The following RAPGEF6 variants were observed in gnomAD, a reference collection of about 807,000 sequenced individuals.
RAPGEF6 encodes Rap guanine nucleotide exchange factor 6.
RAPGEF6 carries 56 observed loss-of-function variants against 171.4 expected under a neutral mutation model. That is an observed-to-expected ratio of 0.33 (90% confidence interval 0.26 to 0.41). RAPGEF6 has a LOEUF of 0.41. Ranked by LOEUF, RAPGEF6 falls within the 10% of genes least tolerant of loss-of-function variation. RAPGEF6 has a pLI of 1.00. For missense variants in RAPGEF6, 1,674 were observed against 1,921.4 expected, an observed-to-expected ratio of 0.87 and a Z score of 2.41; for synonymous variants, 692 against 650.1, an observed-to-expected ratio of 1.06 and a Z score of -0.98.
chr5:131,532,151 C>T (rs1254727289), intron 6 of RAPGEF6: 2 of 452,982 alleles, frequency 4.4e-6, no homozygotes, highest in Non-Finnish European at 4.4e-6. Context: ...ACAAGAAAAG[C>T]CATTTCCTAG....
At chr5:131,609,555 A>G (rs565063998) in intron 1 of RAPGEF6, among the ~76,000 whole-genome samples, 1 of 152,318 alleles carries the variant, frequency 6.6e-6, no homozygotes, top group East Asian at 1.9e-4. Context: ...GACTGACCAC[A>G]ATGACACTAG....
intron 4 of RAPGEF6, among the ~76,000 whole-genome samples, chr5:131,585,293 CATA>C (rs1763186030): frequency 7.3e-6 from 1 of 137,590 alleles, no homozygotes; most frequent in African/African-American, 3.0e-5. Flanking sequence ...AAAAACTATA[CATA>C]CATACATACA....
Position 131,548,191 on chromosome 5 carries a change from C to T in RAPGEF6, c.352-1G>A. The T allele has an allele frequency of 6.2e-7, 1 of 1,613,426 alleles. No individual in the cohort carries two copies. Among genetic ancestry groups the T allele is most frequent in the Non-Finnish European group, 8.5e-7 (1 of 1,179,618 alleles). On this transcript the variant is annotated splice_acceptor_variant, in intron 5 of 27. Coordinates refer to ENST00000509018, the MANE Select transcript of RAPGEF6 (RefSeq NM_016340.6). LOFTEE classifies it high-confidence loss of function. ...CTTCATTATCTTTGGCATTCTCTAC[C>T]TGAAACACATGTTCATATTCCTGAT... is the stretch of plus-strand genomic sequence containing the variant.
chr5:131,604,548 G>T, intron 2 of RAPGEF6, 75 bp downstream of exon 2: 1 of 1,504,422 alleles, frequency 6.6e-7, no homozygotes, highest in Non-Finnish European at 9.1e-7. Flanking sequence ...ATATAAAGGT[G>T]CTTAACAAAT....
intron 26 of RAPGEF6, among the ~76,000 whole-genome samples, chr5:131,430,318 T>TA (rs900971440): frequency 1.8e-4 from 27 of 147,886 alleles, no homozygotes; most frequent in African/African-American, 5.4e-4. Context: ...GGCCAAATAC[T>TA]AAAAAAAAAA....
At chr5:131,486,554 T>C (rs917905116) in intron 15 of RAPGEF6, among the ~76,000 whole-genome samples, 8 of 152,180 alleles carry the variant, frequency 5.3e-5, no homozygotes, top group Non-Finnish European at 8.8e-5. Context: ...CTTTTAGATA[T>C]CCTGGAATAG....
chr5:131,452,695 T>C (rs1753182601), intron 21 of RAPGEF6, among the ~76,000 whole-genome samples: 1 of 151,618 alleles, frequency 6.6e-6, no homozygotes, highest in Non-Finnish European at 1.5e-5. Context: ...CTCGATCTCC[T>C]GACCTTGTGA....
intron 6 of RAPGEF6, among the ~76,000 whole-genome samples, chr5:131,535,972 T>G (rs931609498): frequency 1.3e-5 from 2 of 152,112 alleles, no homozygotes; most frequent in African/African-American, 4.8e-5. Flanking sequence ...AAAACTGGAT[T>G]TATACTAACC....
rs1265531370 is a variant in RAPGEF6 at position 131,464,144 on chromosome 5, A to G, written c.2377T>C (p.Tyr793His). ...GTAACAGAAACTTCACAGAGAGAATATGTGTCGGATGCACCGGTCAAACCA... is the reference window on the plus strand; with the variant it reads ...GTAACAGAAACTTCACAGAGAGAATGTGTGTCGGATGCACCGGTCAAACCA... ...EFGLTGASDT[Y>H]SLCEVSVTPE... Residue 793 changes from tyrosine to histidine, a missense_variant, in exon 18 of 28, where the codon TAT (tyrosine) becomes CAT (histidine). Tyr to His is a moderately conservative substitution (Grantham distance 83). Around this residue, in one of 3 missense-constraint regions of RAPGEF6, gnomAD observed 1,116 missense variants for 1,321.5 expected, o/e 0.84. Coordinates refer to ENST00000509018, the MANE Select transcript of RAPGEF6 (RefSeq NM_016340.6). The G allele has an allele frequency of 6.2e-7, 1 of 1,614,024 alleles. No homozygotes were observed. The highest frequency in any genetic ancestry group is 1.7e-5 in the Admixed American group (1 of 60,022).
chr5:131,524,676 C>T (rs1041821095), intron 6 of RAPGEF6, among the ~76,000 whole-genome samples: 3 of 151,654 alleles, frequency 2.0e-5, no homozygotes, highest in Admixed American at 6.6e-5. Flanking sequence ...AGTGCAGCGG[C>T]GCAATCTCGG....
chr5:131,581,420 G>A (rs1034864500), intron 4 of RAPGEF6, among the ~76,000 whole-genome samples: 8 of 151,986 alleles, frequency 5.3e-5, no homozygotes, highest in African/African-American at 1.9e-4. Flanking sequence ...CTCAGGCCTT[G>A]GGTCTTCCGA....
intron 19 of RAPGEF6, among the ~76,000 whole-genome samples, chr5:131,456,222 A>T (rs541753569): frequency 2.0e-5 from 3 of 152,330 alleles, no homozygotes; most frequent in Admixed American, 2.0e-4. Flanking sequence ...ATGCTTGCCT[A>T]TAGTTCTATA....
At chr5:131,521,617 G>T in intron 6 of RAPGEF6, 96 bp from the exon 7 acceptor site, 4 of 1,127,346 alleles carry the variant, frequency 3.5e-6, no homozygotes, top group South Asian at 3.8e-5. Context: ...ACATTACTGT[G>T]CAATCTCTTT....
In RAPGEF6 at chr5:131,431,090, A is replaced by C; in HGVS notation, c.4234T>G (p.Ser1412Ala). 6.2e-7 allele frequency: 1 copy of C among 1,614,204 alleles called. No individual in the cohort carries two copies. The highest frequency in any genetic ancestry group is 8.5e-7 in the Non-Finnish European group (1 of 1,180,032). Residue 1412 changes from serine (S) to alanine (A), a missense_variant, in exon 26 of 28, where the codon TCC (serine) becomes GCC (alanine). This residue lies in a region of RAPGEF6 where 552 missense variants were observed against 574.2 expected (regional missense o/e 0.96). Transcript: ENST00000509018. The stretch of plus-strand genomic sequence containing the variant: ...GTTCTAGAGCAGCTTTTAGAACAGG[A>C]ATAGGGCTCAGAGTCAGTGGGTTCA... ...EVEPTDSEPY[S>A]CSKSCSRTCG...
chr5:131,565,855 G>A (rs1002890348), intron 4 of RAPGEF6, among the ~76,000 whole-genome samples: 1 of 152,092 alleles, frequency 6.6e-6, no homozygotes, highest in Non-Finnish European at 1.5e-5. Context: ...TTAATTATAA[G>A]TGGATCAGAA....
At chr5:131,575,351 C>T (rs890522934) in intron 4 of RAPGEF6, among the ~76,000 whole-genome samples, 4 of 152,150 alleles carry the variant, frequency 2.6e-5, no homozygotes, top group East Asian at 1.9e-4. Flanking sequence ...GCCCCTCTTA[C>T]GAATCTTCCC....
intron 11 of RAPGEF6, among the ~76,000 whole-genome samples, chr5:131,499,032 GAA>G (rs1273830630): frequency 6.6e-6 from 1 of 152,086 alleles, no homozygotes; most frequent in Non-Finnish European, 1.5e-5. Flanking sequence ...AGGGAAGAAA[GAA>G]AAAAGAAAGC....
rs182045582 is a variant in RAPGEF6 at position 131,479,669 on chromosome 5, C to T, written c.1925G>A (p.Arg642His). ...IPKIAEKKSN[R>H]HSIQHVPGDI... is the part of the protein sequence containing the mutation. The stretch of plus-strand genomic sequence containing the variant: ...TCCTGGCACATGCTGGATAGAATGG[C>T]GATTACTTTTTTTTTCAGCAATTTT... Residue 642 changes from arginine (R) to histidine (H), a missense_variant, in exon 16 of 28, where the codon CGC (arginine) becomes CAC (histidine). By Grantham distance (29) the Arg-to-His change is conservative. Coordinates refer to ENST00000509018, the MANE Select transcript of RAPGEF6 (RefSeq NM_016340.6). 34 of 1,613,824 alleles carry T rather than the reference C, an allele frequency of 2.1e-5. No individual in the cohort carries two copies. Among genetic ancestry groups the T allele is most frequent in the Non-Finnish European group, 2.7e-5 (32 of 1,179,952 alleles).
chr5:131,498,714 C>A, intron 11 of RAPGEF6, 107 bp from the exon 12 acceptor site: 1 of 1,052,982 alleles, frequency 9.5e-7, no homozygotes, highest in South Asian at 1.5e-5. Context: ...GACAAATCGT[C>A]AAAGTACAGT....
Sources: gnomAD v4.1 joint callset for allele counts (sites outside exome capture counted in the v4.1 genomes callset) on GRCh38, gnomAD v4.1.1 for gene constraint, gnomAD v4.1.1 regional missense constraint, MANE v1.5 for transcripts, NCBI Gene and HGNC (gene_info 2026-07-23, HGNC 2026-07-21) for gene names.